The following UBR3 variants were observed in gnomAD, a reference collection of about 807,000 sequenced individuals.
The protein encoded by UBR3 is ubiquitin protein ligase E3 component n-recognin 3.
In UBR3, 85 loss-of-function variants were observed where a neutral mutation model predicts 243.2. That is an observed-to-expected ratio of 0.35 (90% CI 0.29 to 0.42). The LOEUF (loss-of-function observed/expected upper bound fraction) is 0.42, where lower values mean the gene tolerates loss of function less well. UBR3 is among the 10% of genes least tolerant of loss of function. The pLI is 1.00. For missense variants in UBR3, 1,686 were observed against 2,300.8 expected, an observed-to-expected ratio of 0.73 and a Z score of 5.47; for synonymous variants, 748 against 799.8, an observed-to-expected ratio of 0.94 and a Z score of 1.09.
rs2084299880 is a variant in UBR3, at chr2:169,890,542, T to TATATATATATATAC, written c.1039-610_1039-609insCATATATATATATA. Reference sequence around the variant, plus strand: ...TTTTTCTAGGAGAGAGAGAGAGAGATATATATATATATATATATATATGTG... The same window carrying TATATATATATATAC: ...TTTTTCTAGGAGAGAGAGAGAGAGATATATATATATATACATATATATATATATATATATATGTG... On this transcript the variant is annotated intron_variant, in intron 5 of 38. Coordinates refer to ENST00000272793, the MANE Select transcript of UBR3 (RefSeq NM_172070.4). Among the ~76,000 whole-genome samples, 22 of 62,040 alleles carry TATATATATATATAC rather than the reference T, an allele frequency of 3.5e-4. 1 individual carries two copies. The highest frequency in any genetic ancestry group is 1.1e-3 in the Admixed American group (6 of 5,602). 40.7% of individuals were successfully genotyped at this position (62,040 alleles called of 152,430 possible). A position where few individuals can be genotyped will look rare whatever the true frequency, so the allele number is the denominator to read the frequency against.
rs781253623 is a variant in UBR3 at position 169,919,798 on chromosome 2, A to AG, written c.1867-4130dup. ...CCAGTTAGAATGGCAGTCATTAAAA[A>AG]GTCAGGAAACAACAGGTGCTGGAGA... On this transcript the variant is annotated intron_variant, in intron 11 of 38. Transcript: ENST00000272793. Among the ~76,000 whole-genome samples the AG allele has an allele frequency of 8.3e-4, 125 of 151,470 alleles. 1 individual carries two copies. Among genetic ancestry groups the AG allele is most frequent in the Non-Finnish European group, 8.4e-4 (57 of 68,034 alleles).
intron 1 of UBR3, among the ~76,000 whole-genome samples, chr2:169,828,329 T>C (rs2081813912): frequency 6.6e-6 from 1 of 151,974 alleles, no homozygotes; most frequent in Admixed American, 6.5e-5. Context: ...AGAGCCAGTG[T>C]ATGGGGTAGG....
In UBR3 at chr2:169,994,352, C is replaced by A; in HGVS notation, c.3814C>A (p.Pro1272Thr). ...VLGQCRDNVEPKKLPISEEEQ... is the reference protein window; with the variant it reads ...VLGQCRDNVETKKLPISEEEQ... Reference sequence around the variant, plus strand: ...GGGGCAGTGCCGTGACAATGTTGAGCCAAAAAAGTTGCCGATCAGTGAAGA... The same window carrying A: ...GGGGCAGTGCCGTGACAATGTTGAGACAAAAAAGTTGCCGATCAGTGAAGA... The change falls in exon 26 of 39, where the codon CCA becomes ACA. Residue 1272 changes from proline (P) to threonine (T), a missense_variant. Physicochemically the swap from Pro to Thr is conservative, Grantham distance 38. This residue lies in a region of UBR3 where 156 missense variants were observed against 246.3 expected (regional missense o/e 0.63). Transcript: ENST00000272793. 2 of 1,613,952 alleles carry A rather than the reference C, an allele frequency of 1.2e-6. No individual in the cohort carries two copies. Among genetic ancestry groups the A allele is most frequent in the Non-Finnish European group, 1.7e-6 (2 of 1,179,978 alleles).
intron 24 of UBR3, among the ~76,000 whole-genome samples, chr2:169,980,107 G>A (rs2088650444): frequency 6.6e-6 from 1 of 152,122 alleles, no homozygotes; most frequent in African/African-American, 2.4e-5. Context: ...GTTTCCCCAT[G>A]GCATCATGAG....
At chr2:169,884,225 G>C (rs1230192887) in intron 5 of UBR3, among the ~76,000 whole-genome samples, 1 of 146,106 alleles carries the variant, frequency 6.8e-6, no homozygotes, top group Non-Finnish European at 1.5e-5. Flanking sequence ...GCGTGATCTT[G>C]GCTCACTGCA....
chr2:170,039,949 A>G (rs1341468313), intron 31 of UBR3, among the ~76,000 whole-genome samples: 7 of 152,032 alleles, frequency 4.6e-5, no homozygotes, highest in Non-Finnish European at 1.0e-4. Flanking sequence ...GCCCAGTTGG[A>G]TCTTGAACTC....
chr2:169,986,811 T>A lies in UBR3; in HGVS notation c.3784+17T>A, dbSNP rs768210815. The A allele has an allele frequency of 6.2e-7, 1 of 1,613,144 alleles. No homozygotes were observed. Among genetic ancestry groups the A allele is most frequent in the Non-Finnish European group, 8.5e-7 (1 of 1,179,648 alleles). On this transcript the variant is annotated intron_variant, in intron 25 of 38. Transcript: ENST00000272793. ...CATCCTCAGGTAAAATCAAAGTAAT[T>A]TTTTCATGGGAACATTTTAGAGCTG...
chr2:169,904,041 T>A (rs958560611), intron 8 of UBR3, among the ~76,000 whole-genome samples: 15 of 152,172 alleles, frequency 9.9e-5, no homozygotes, highest in Admixed American at 6.5e-5. Flanking sequence ...CCAATTTTAA[T>A]CTCTTTAAAA....
intron 5 of UBR3, among the ~76,000 whole-genome samples, chr2:169,882,803 A>G (rs1189926229): frequency 1.3e-5 from 2 of 152,252 alleles, no homozygotes; most frequent in South Asian, 2.1e-4. Flanking sequence ...ATTAGTGTCA[A>G]GCAATTCAAG....
rs767031031 is a variant in UBR3, at chr2:170,001,378, T to C, written c.3993T>C (p.His1331=). 3.1e-6 allele frequency: 5 copies of C among 1,613,794 alleles called. No homozygotes were observed. The highest frequency in any genetic ancestry group is 1.1e-5 in the South Asian group (1 of 91,078). The part of the protein sequence containing the change: ...VYVQTCGHTL[H]IDCHKSYMES... The stretch of plus-strand genomic sequence containing the variant: ...TACAAACCTGTGGTCACACATTACA[T>C]ATAGATTGTCATAAATCTTACATGG... The change falls in exon 27 of 39, where the codon CAT becomes CAC. Residue 1331 remains histidine, a synonymous_variant. Coordinates refer to ENST00000272793, the MANE Select transcript of UBR3 (RefSeq NM_172070.4).
chr2:169,970,449 T>G lies in UBR3; in HGVS notation c.3634+11923T>G, dbSNP rs1369072915. Among the ~76,000 whole-genome samples, 6 of 123,128 alleles carry G rather than the reference T, an allele frequency of 4.9e-5. No homozygotes were observed. The Admixed American group carries it at 4.9e-4, about 10-fold the overall frequency. The allele number at this position is 123,128 out of a possible 152,430, so 80.8% of individuals were successfully genotyped here. ...CTAACTCGTCATCTAGCATTAGGTA[T>G]ATCTCCCAATGCTATCCCTCCCCCC... On this transcript the variant is annotated intron_variant, in intron 24 of 38. Transcript: ENST00000272793.
In UBR3 at chr2:170,041,082, C is replaced by T. The variant is rs13415576; in HGVS notation, c.4660+97C>T. 2.0e-3 allele frequency: 2,390 copies of T among 1,194,802 alleles called. 38 individuals carry two copies. The African/African-American group carries it at 0.031, about 16-fold the overall frequency. 74.0% of individuals were successfully genotyped at this position (1,194,802 alleles called of 1,614,324 possible). A position where few individuals can be genotyped will look rare whatever the true frequency, so the allele number is the denominator to read the frequency against. ...AATAGGCTGGGTGTGGTGGCTCATG[C>T]TTGTAATCCCCGCACTTTAGGAGGC... On this transcript the variant is annotated intron_variant, in intron 32 of 38. Coordinates refer to ENST00000272793, the MANE Select transcript of UBR3 (RefSeq NM_172070.4).
At chr2:169,901,584 A>G (rs1387662913) in intron 8 of UBR3, among the ~76,000 whole-genome samples, 1 of 152,160 alleles carries the variant, frequency 6.6e-6, no homozygotes, top group Non-Finnish European at 1.5e-5. Context: ...AGCAGCCTCT[A>G]TCTAGCCTTG....
Position 169,827,858 on chromosome 2 carries a change from G to C in UBR3, c.351G>C (p.Ala117=). 1 of 1,503,894 alleles carries C rather than the reference G, an allele frequency of 6.6e-7. No individual in the cohort carries two copies. Among genetic ancestry groups the C allele is most frequent in the Non-Finnish European group, 8.8e-7 (1 of 1,130,944 alleles). The allele number at this position is 1,503,894 out of a possible 1,614,324, so 93.2% of individuals were successfully genotyped here. A position where few individuals can be genotyped will look rare whatever the true frequency, so the allele number is the denominator to read the frequency against. ...FCAAVRAYDP[A]ALCGLVWTAN... is the part of the protein sequence containing the mutation. Reference sequence around the variant, plus strand: ...CGGCGGTGCGGGCCTACGATCCCGCGGCGCTCTGCGGCCTGGTCTGGACAG... The same window carrying C: ...CGGCGGTGCGGGCCTACGATCCCGCCGCGCTCTGCGGCCTGGTCTGGACAG... Residue 117 remains alanine (A), a synonymous_variant, in exon 1 of 39, where the codon GCG becomes GCC. Coordinates refer to ENST00000272793, the MANE Select transcript of UBR3 (RefSeq NM_172070.4).
At chr2:169,923,076 T>C (rs980135753) in intron 11 of UBR3, among the ~76,000 whole-genome samples, 2 of 152,230 alleles carry the variant, frequency 1.3e-5, no homozygotes, top group African/African-American at 4.8e-5. Context: ...AGGACAGCTG[T>C]GGTGTATTTT....
intron 32 of UBR3, among the ~76,000 whole-genome samples, chr2:170,045,449 C>G (rs943743069): frequency 2.6e-5 from 4 of 152,066 alleles, no homozygotes; most frequent in African/African-American, 9.7e-5. Context: ...AGGAGCTTCA[C>G]AAATCTGTTC....
At chr2:170,021,315 G>A (rs574228709) in intron 30 of UBR3, among the ~76,000 whole-genome samples, 41 of 152,192 alleles carry the variant, frequency 2.7e-4, no homozygotes, top group South Asian at 6.2e-4. Flanking sequence ...TAGACTGGGT[G>A]GCTTATATAC....
intron 3 of UBR3, 69 bp downstream of exon 3, chr2:169,876,018 T>C (rs1208727860): frequency 4.7e-6 from 6 of 1,273,612 alleles, no homozygotes; most frequent in African/African-American, 1.6e-5. Flanking sequence ...TTGAGTCTTT[T>C]AGAACTTAAA....
At chr2:169,834,173 A>G (rs2082017958) in intron 1 of UBR3, among the ~76,000 whole-genome samples, 1 of 151,814 alleles carries the variant, frequency 6.6e-6, no homozygotes, top group Non-Finnish European at 1.5e-5. Context: ...GAATAGTGTT[A>G]CTCTCTTCAG....
Sources: gnomAD v4.1 joint callset for allele counts (sites outside exome capture counted in the v4.1 genomes callset) on GRCh38, gnomAD v4.1.1 for gene constraint, gnomAD v4.1.1 regional missense constraint, MANE v1.5 for transcripts, NCBI Gene and HGNC (gene_info 2026-07-23, HGNC 2026-07-21) for gene names.